LARGE1: variants seen among roughly 807,000 people sequenced by gnomAD.
LARGE1 encodes the protein LARGE xylosyl- and glucuronyltransferase 1.
A neutral mutation model predicts 87.6 loss-of-function variants in LARGE1; 43 were observed. That is an observed-to-expected ratio of 0.49 (90% confidence interval 0.38 to 0.63). The LOEUF (loss-of-function observed/expected upper bound fraction) is 0.63, where lower values mean the gene tolerates loss of function less well. LARGE1 is among the 30% of genes least tolerant of loss of function. The pLI, the probability that LARGE1 is intolerant of heterozygous loss-of-function variation, is 0.00. For missense variants in LARGE1, 802 were observed against 1,000.2 expected, an observed-to-expected ratio of 0.80 and a Z score of 2.67; for synonymous variants, 434 against 394.6, an observed-to-expected ratio of 1.10 and a Z score of -1.18.
chr22:33,848,262 T>C (rs2063488983), intron 1 of LARGE1, among the ~76,000 whole-genome samples: 1 of 152,182 alleles, frequency 6.6e-6, no homozygotes, highest in African/African-American at 2.4e-5. Context: ...GCCCAGCACA[T>C]CTCAGCCACT....
intron 9 of LARGE1, among the ~76,000 whole-genome samples, chr22:33,342,194 C>T (rs933537498): frequency 2.6e-5 from 4 of 152,168 alleles, no homozygotes; most frequent in Non-Finnish European, 4.4e-5. Flanking sequence ...GGGATCGTGT[C>T]GTCTTTGCGA....
chr22:33,382,716 C>A (rs5994725), intron 8 of LARGE1, among the ~76,000 whole-genome samples: 2 of 152,084 alleles, frequency 1.3e-5, no homozygotes, highest in Admixed American at 6.6e-5. Flanking sequence ...TATGGGCCTT[C>A]GTGGCAGAAG....
intron 2 of LARGE1, among the ~76,000 whole-genome samples, chr22:33,654,291 G>A (rs549024223): frequency 6.6e-6 from 1 of 151,780 alleles, no homozygotes; most frequent in African/African-American, 2.4e-5. Flanking sequence ...TGTCCTTTCC[G>A]GTTTGTTGGT....
chr22:33,801,960 T>C (rs1187990330), intron 1 of LARGE1, among the ~76,000 whole-genome samples: 2 of 151,716 alleles, frequency 1.3e-5, no homozygotes, highest in African/African-American at 4.8e-5. Flanking sequence ...TTTTTACTAA[T>C]GAAAATAATA....
chr22:33,674,476 C>T (rs1352279589), intron 2 of LARGE1, among the ~76,000 whole-genome samples: 2 of 152,224 alleles, frequency 1.3e-5, no homozygotes, highest in Non-Finnish European at 2.9e-5. Context: ...CTTGTCAGCC[C>T]TCCATGCAGC....
intron 1 of LARGE1, among the ~76,000 whole-genome samples, chr22:33,781,723 A>G (rs2085426369): frequency 6.6e-6 from 1 of 152,216 alleles, no homozygotes; most frequent in Admixed American, 6.5e-5. Context: ...GTATGTGCCA[A>G]ACCCCGTGCT....
chr22:33,333,099 C>T (rs915305501), intron 10 of LARGE1, among the ~76,000 whole-genome samples: 1 of 150,814 alleles, frequency 6.6e-6, no homozygotes, highest in African/African-American at 2.5e-5. Context: ...CTCTGCCTCC[C>T]GGGTTCATGC....
chr22:33,082,850 C>T, the LARGE1 span, among the ~76,000 whole-genome samples: 1 of 151,926 alleles, frequency 6.6e-6, no homozygotes. Flanking sequence ...ACGGTGAAAC[C>T]CCATCTCTAC....
intron 1 of LARGE1, among the ~76,000 whole-genome samples, chr22:33,887,821 T>C (rs1396591232): frequency 2.0e-5 from 3 of 152,350 alleles, no homozygotes; most frequent in Non-Finnish European, 2.9e-5. Flanking sequence ...CTCATGCCTA[T>C]GATTTTTGCT....
At chr22:33,878,129 CTTTTTTTTTTTTTTT>C (rs1186663464) in intron 1 of LARGE1, among the ~76,000 whole-genome samples, 1 of 44,654 alleles carries the variant, frequency 2.2e-5, no homozygotes, top group South Asian at 8.9e-4. Context: ...TATTGTATTT[CTTTTTTTTTTTTTTT>C]TTTTTTTTTT....
chr22:33,387,878 C>A lies in LARGE1; in HGVS notation c.893-3574G>T, dbSNP rs528168341. Among the ~76,000 whole-genome samples the A allele has an allele frequency of 2.1e-3, 316 of 152,194 alleles. 3 individuals carry two copies. The highest frequency in any genetic ancestry group is 1.8e-4 in the Non-Finnish European group (12 of 68,006). On this transcript the variant is annotated intron_variant, in intron 7 of 14. Transcript: ENST00000397394. The stretch of plus-strand genomic sequence containing the variant: ...CCTAGATATAATGGTTGTTATAATA[C>A]CTTGCCACATTTACTGTTAAAAAAT...
At chr22:33,248,585 T>TAAA (rs1926874547) in intron 11 of LARGE1, among the ~76,000 whole-genome samples, 1 of 152,184 alleles carries the variant, frequency 6.6e-6, no homozygotes, top group Non-Finnish European at 1.5e-5. Flanking sequence ...TCACCCAAAG[T>TAAA]GCATAGTTTA....
chr22:33,433,803 A>C (rs2067169487), intron 6 of LARGE1, among the ~76,000 whole-genome samples: 1 of 152,186 alleles, frequency 6.6e-6, no homozygotes, highest in South Asian at 2.1e-4. Flanking sequence ...CACTTAAGAA[A>C]ACACAGTGGT....
At chr22:33,819,430 C>G (rs2086754198) in intron 1 of LARGE1, among the ~76,000 whole-genome samples, 1 of 152,006 alleles carries the variant, frequency 6.6e-6, no homozygotes, top group African/African-American at 2.4e-5. Context: ...TTTTTCTCCC[C>G]TTGCCAACTA....
At chr22:33,241,101 C>T (rs4141436) in intron 11 of LARGE1, among the ~76,000 whole-genome samples, 29,499 of 152,116 alleles carry the variant, frequency 0.19, 3,270 homozygotes, top group South Asian at 0.31. Flanking sequence ...GCATGCTGCC[C>T]GGTGTAGCTG....
At chr22:33,620,060 G>A (rs1054617341) in intron 4 of LARGE1, among the ~76,000 whole-genome samples, 1 of 152,122 alleles carries the variant, frequency 6.6e-6, no homozygotes, top group Non-Finnish European at 1.5e-5. Context: ...AACTCAGACA[G>A]TTCTACAATG....
At chr22:33,797,973 T>C (rs981767396) in intron 1 of LARGE1, among the ~76,000 whole-genome samples, 2 of 152,188 alleles carry the variant, frequency 1.3e-5, no homozygotes, top group Non-Finnish European at 2.9e-5. Flanking sequence ...TACCTACACA[T>C]TAAAGTACCT....
At position 33,405,948 on chromosome 22, in the gene LARGE1, G is replaced by A. The variant is rs537821784; in HGVS notation, c.893-21644C>T. 6.1e-4 allele frequency among the ~76,000 whole-genome samples: 93 copies of A among 152,176 alleles called. 1 individual carries two copies. The highest frequency in any genetic ancestry group is 3.4e-3 in the Middle Eastern group (1 of 294). On this transcript the variant is annotated intron_variant, in intron 7 of 14. Transcript: ENST00000397394. ...TTAAAAATCAGAGTCTGGAATCTTCGGAAAGATTAACAACTGCAATAGGAA... is the reference window on the plus strand; with the variant it reads ...TTAAAAATCAGAGTCTGGAATCTTCAGAAAGATTAACAACTGCAATAGGAA...
At chr22:33,459,075 C>T (rs895386848) in intron 6 of LARGE1, among the ~76,000 whole-genome samples, 1 of 151,840 alleles carries the variant, frequency 6.6e-6, no homozygotes, top group African/African-American at 2.4e-5. Flanking sequence ...TATATATGTG[C>T]CATGGTGGTT....
Sources: gnomAD v4.1 joint callset for allele counts (sites outside exome capture counted in the v4.1 genomes callset) on GRCh38, gnomAD v4.1.1 for gene constraint, MANE v1.5 for transcripts, NCBI Gene and HGNC (gene_info 2026-07-23, HGNC 2026-07-21) for gene names.